The following CHN2 variants were observed in gnomAD, a reference collection of about 807,000 sequenced individuals.
The protein encoded by CHN2 is chimerin 2.
Under a neutral mutation model 56.3 loss-of-function variants are expected in CHN2, and 35 were observed. The observed-to-expected ratio is 0.62, with a 90% CI of 0.47 to 0.82. The LOEUF is 0.82. Among genes scored for constraint, CHN2 ranks in the 40% least tolerant of loss-of-function variants. The probability of loss-of-function intolerance (pLI) is 0.00; values close to 1 mark genes in which losing one functional copy is unlikely to be tolerated. For synonymous variants in CHN2, 210 were observed against 212.8 expected (o/e 0.99, Z 0.12); for missense variants, 491 against 580.5 (o/e 0.85, Z 1.58).
At chr7:29,466,915 G>A (rs1464000403) in intron 6 of CHN2, among the ~76,000 whole-genome samples, 3 of 152,110 alleles carry the variant, frequency 2.0e-5, no homozygotes, top group Non-Finnish European at 4.4e-5. Flanking sequence ...AATTAAAGAA[G>A]TTTTAAAAGA....
At position 29,389,317 on chromosome 7, in the gene CHN2, A is replaced by G. The variant is rs148160777; in HGVS notation, c.145-4362A>G. Among the ~76,000 whole-genome samples the G allele has an allele frequency of 2.8e-3, 429 of 152,340 alleles. 1 individual carries two copies. The Middle Eastern group carries it at 0.034, about 12-fold the overall frequency. ...TTACTTACTGGTCTTGGCTCCAAAT[A>G]ACTTATGCCGGTTTGCTGAAATAAC... On this transcript the variant is annotated intron_variant, in intron 3 of 12. Coordinates refer to ENST00000222792, the MANE Select transcript of CHN2 (RefSeq NM_004067.4).
At chr7:29,274,443 C>G (rs1272471249) in intron 1 of CHN2, among the ~76,000 whole-genome samples, 1 of 152,240 alleles carries the variant, frequency 6.6e-6, no homozygotes, top group East Asian at 1.9e-4. Context: ...TCTTTACTCA[C>G]CAATAACTGT....
At chr7:29,392,744 C>T (rs73684898) in intron 3 of CHN2, among the ~76,000 whole-genome samples, 2,758 of 152,252 alleles carry the variant, frequency 0.018, 74 homozygotes, top group African/African-American at 0.06. Context: ...CTGTGCCTGT[C>T]TCTGAGCCCT....
chr7:29,306,108 G>A (rs10951214), intron 1 of CHN2, among the ~76,000 whole-genome samples: 40,684 of 151,922 alleles, frequency 0.27, 5,954 homozygotes, highest in East Asian at 0.34. Context: ...TTTCTGTCCC[G>A]TCATAAGTTA....
At chr7:29,394,731 T>C (rs1585249934) in intron 4 of CHN2, among the ~76,000 whole-genome samples, 1 of 152,246 alleles carries the variant, frequency 6.6e-6, no homozygotes, top group Non-Finnish European at 1.5e-5. Flanking sequence ...TGTTTTTTCC[T>C]TGAAGATAGC....
At chr7:29,181,890 A>G (rs951754398) in intron 2 of CHN2, among the ~76,000 whole-genome samples, 2 of 152,180 alleles carry the variant, frequency 1.3e-5, no homozygotes, top group African/African-American at 4.8e-5. Flanking sequence ...GTATTTATTC[A>G]TGGTGGAGGG....
At chr7:29,382,123 A>C (rs1306931515) in intron 3 of CHN2, among the ~76,000 whole-genome samples, 1 of 152,238 alleles carries the variant, frequency 6.6e-6, no homozygotes, top group Non-Finnish European at 1.5e-5. Context: ...GAAAGTGCTT[A>C]GAACAATGCC....
chr7:29,453,079 G>A (rs1329333041), intron 6 of CHN2, among the ~76,000 whole-genome samples: 1 of 152,216 alleles, frequency 6.6e-6, no homozygotes, highest in Non-Finnish European at 1.5e-5. Flanking sequence ...GGGGGGAATT[G>A]TTTTGCATGA....
Position 29,212,541 on chromosome 7 carries a change from A to G in CHN2, c.49+17551A>G. ...AAAGGCAAACAACCCATTGCTGCAGAGAATAATGCCCCAAAAAAGGGAGAC... is the reference window on the plus strand; with the variant it reads ...AAAGGCAAACAACCCATTGCTGCAGGGAATAATGCCCCAAAAAAGGGAGAC... On this transcript the variant is annotated intron_variant, in intron 1 of 12. Coordinates refer to ENST00000222792, the MANE Select transcript of CHN2 (RefSeq NM_004067.4). The G allele has an allele frequency of 2.0e-6, 3 of 1,509,268 alleles. No homozygotes were observed. The South Asian group carries it at 3.4e-5, about 17-fold the overall frequency. The allele number at this position is 1,509,268 out of a possible 1,614,324, so 93.5% of individuals were successfully genotyped here. A position where few individuals can be genotyped will look rare whatever the true frequency, so the allele number is the denominator to read the frequency against.
At chr7:29,270,273 T>A (rs1414637255) in intron 1 of CHN2, among the ~76,000 whole-genome samples, 1 of 152,180 alleles carries the variant, frequency 6.6e-6, no homozygotes, top group East Asian at 1.9e-4. Context: ...GAATCCAGCA[T>A]GCTCTTCTAG....
intron 6 of CHN2, among the ~76,000 whole-genome samples, chr7:29,467,358 G>T (rs1785628587): frequency 6.6e-6 from 1 of 152,146 alleles, no homozygotes; most frequent in South Asian, 2.1e-4. Context: ...TGTGTAGCGG[G>T]TGGGGTAGGG....
chr7:29,386,177 A>G (rs866728284), intron 3 of CHN2, among the ~76,000 whole-genome samples: 6 of 152,360 alleles, frequency 3.9e-5, no homozygotes, highest in Middle Eastern at 3.4e-3. Flanking sequence ...TTTTCATTCT[A>G]TGCTCTGCAC....
chr7:29,231,896 T>C (rs1786742440), intron 1 of CHN2, among the ~76,000 whole-genome samples: 1 of 152,252 alleles, frequency 6.6e-6, no homozygotes, highest in Admixed American at 6.5e-5. Context: ...TAATTGAGTG[T>C]CTGCAGATTG....
rs150821501 is a variant in CHN2 at position 29,357,963 on chromosome 7, A to T, written c.88+3300A>T. 4.6e-3 allele frequency among the ~76,000 whole-genome samples: 702 copies of T among 152,296 alleles called. 4 individuals carry two copies. The highest frequency in any genetic ancestry group is 0.016 in the African/African-American group (673 of 41,554). ...AATTTTAGATACTGATGTCTAACTC[A>T]TTATATCATGTATGGATTCCATATT... On this transcript the variant is annotated intron_variant, in intron 2 of 12. Transcript: ENST00000222792.
chr7:29,483,971 A>G (rs1787663133), intron 7 of CHN2: 1 of 885,294 alleles, frequency 1.1e-6, no homozygotes, highest in South Asian at 1.4e-5. Context: ...GGTCTCTGGC[A>G]CCCAGTAAGT....
intron 6 of CHN2, among the ~76,000 whole-genome samples, chr7:29,449,542 A>G (rs1191185286): frequency 1.3e-5 from 2 of 152,252 alleles, no homozygotes; most frequent in African/African-American, 4.8e-5. Context: ...GACAGAGACT[A>G]TATGGGCTAC....
intron 6 of CHN2, among the ~76,000 whole-genome samples, chr7:29,458,494 T>A (rs141008642): frequency 1.3e-5 from 2 of 152,270 alleles, no homozygotes; most frequent in Non-Finnish European, 2.9e-5. Flanking sequence ...TATAATTATC[T>A]GTTTATGTGT....
At chr7:29,169,465 T>G (rs925454990) in intron 2 of CHN2, among the ~76,000 whole-genome samples, 1 of 152,228 alleles carries the variant, frequency 6.6e-6, no homozygotes, top group Non-Finnish European at 1.5e-5. Context: ...TATAAATGTT[T>G]ATATACAATA....
At chr7:29,298,380 G>T (rs551061607) in intron 1 of CHN2, among the ~76,000 whole-genome samples, 3 of 152,188 alleles carry the variant, frequency 2.0e-5, no homozygotes, top group African/African-American at 4.8e-5. Flanking sequence ...AATTAAGTTT[G>T]GGACAAAAAT....
Sources: gnomAD v4.1 joint callset for allele counts (sites outside exome capture counted in the v4.1 genomes callset) on GRCh38, gnomAD v4.1.1 for gene constraint, MANE v1.5 for transcripts, NCBI Gene and HGNC (gene_info 2026-07-23, HGNC 2026-07-21) for gene names.